Variants in MAP3K5 observed in about 807,000 individuals in gnomAD.
The protein encoded by MAP3K5 is mitogen-activated protein kinase kinase kinase 5.
In MAP3K5, 56 loss-of-function variants were observed where a neutral mutation model predicts 158.7. The ratio of observed to expected loss-of-function variants is 0.35; its 90% confidence interval spans 0.28 to 0.44. MAP3K5 has a LOEUF of 0.44. MAP3K5 is among the 20% of genes least tolerant of loss of function. The probability of loss-of-function intolerance (pLI) is 1.00; values close to 1 mark genes in which losing one functional copy is unlikely to be tolerated. For missense variants in MAP3K5, 1,294 were observed against 1,674.8 expected (o/e 0.77, Z 3.97); for synonymous variants, 579 against 601.7 (o/e 0.96, Z 0.55).
At chr6:136,652,480 G>A (rs953419882) in intron 10 of MAP3K5, among the ~76,000 whole-genome samples, 1 of 152,106 alleles carries the variant, frequency 6.6e-6, no homozygotes, top group Non-Finnish European at 1.5e-5. Flanking sequence ...AAGCGGTAAT[G>A]ATGAATAATG....
chr6:136,678,124 T>C (rs1340080038), intron 7 of MAP3K5, among the ~76,000 whole-genome samples: 1 of 152,230 alleles, frequency 6.6e-6, no homozygotes, highest in Non-Finnish European at 1.5e-5. Context: ...ACAATTTTTG[T>C]AGTTCTTTTT....
intron 2 of MAP3K5, among the ~76,000 whole-genome samples, chr6:136,705,632 A>C (rs1012082851): frequency 6.6e-6 from 1 of 152,170 alleles, no homozygotes; most frequent in Non-Finnish European, 1.5e-5. Flanking sequence ...TGCGGAGGAG[A>C]CAGGAGAATA....
At chr6:136,706,901 G>A (rs951027760) in intron 2 of MAP3K5, among the ~76,000 whole-genome samples, 9 of 152,202 alleles carry the variant, frequency 5.9e-5, no homozygotes, top group East Asian at 1.9e-4. Flanking sequence ...AAATCTCAGC[G>A]CTTTGGGAGG....
At chr6:136,760,649 C>T (rs1207461876) in intron 1 of MAP3K5, among the ~76,000 whole-genome samples, 1 of 152,140 alleles carries the variant, frequency 6.6e-6, no homozygotes, top group African/African-American at 2.4e-5. Flanking sequence ...GAGGGTGGAA[C>T]CCTCATGAAT....
Position 136,583,707 on chromosome 6 carries a change from T to A in MAP3K5, c.3259A>T (p.Ile1087Phe). 1 of 1,614,218 alleles carries A rather than the reference T, an allele frequency of 6.2e-7. No homozygotes were observed. Among genetic ancestry groups the A allele is most frequent in the Non-Finnish European group, 8.5e-7 (1 of 1,180,024 alleles). ...AEEPKLKWEH[I>F]TTLIASLREF... Reference sequence around the variant, plus strand: ...CTGAGGCTTGCAATGAGGGTTGTGATGTGTTCCCATTTTAGTTTCGGTTCT... The same window carrying A: ...CTGAGGCTTGCAATGAGGGTTGTGAAGTGTTCCCATTTTAGTTTCGGTTCT... Residue 1087 changes from isoleucine to phenylalanine, a missense_variant, in exon 24 of 30, where the codon ATC becomes TTC. By Grantham distance (21) the Ile-to-Phe change is conservative (BLOSUM62 0). This residue lies in a region of MAP3K5 where 362 missense variants were observed against 463.2 expected (regional missense o/e 0.78). Transcript: ENST00000359015.
intron 1 of MAP3K5, among the ~76,000 whole-genome samples, chr6:136,770,805 T>TGAAGCAA (rs1784166521): frequency 6.6e-6 from 1 of 152,128 alleles, no homozygotes; most frequent in South Asian, 2.1e-4. Context: ...GATATATGTA[T>TGAAGCAA]GAAGCAAGAA....
chr6:136,656,462 T>C lies in MAP3K5; in HGVS notation c.1527-2A>G. Reference sequence around the variant, plus strand: ...GTCTCTACAATAGACTTGAGGTACCTGAGAAGGAAAAGATATAAAACATGT... The same window carrying C: ...GTCTCTACAATAGACTTGAGGTACCCGAGAAGGAAAAGATATAAAACATGT... On this transcript the variant is annotated splice_acceptor_variant, in intron 9 of 29. Transcript: ENST00000359015. LOFTEE classifies it high-confidence loss of function. 1 of 1,554,362 alleles carries C rather than the reference T, an allele frequency of 6.4e-7. No individual in the cohort carries two copies. The highest frequency in any genetic ancestry group is 8.7e-7 in the Non-Finnish European group (1 of 1,149,962).
chr6:136,601,977 C>T lies in MAP3K5; in HGVS notation c.2682G>A (p.Val894=). Reference sequence around the variant, plus strand: ...TCTCAGGGTGGACTTTAAACATTCCCACCTAAGACATAAATATAAAAAGTG... The same window carrying T: ...TCTCAGGGTGGACTTTAAACATTCCTACCTAAGACATAAATATAAAAAGTG... ...LGEPQAAMFK[V]GMFKVHPEIP... is the part of the protein sequence containing the mutation. Residue 894 remains valine, a splice_region_variant and synonymous_variant, in exon 20 of 30, where the codon GTG becomes GTA. Coordinates refer to ENST00000359015, the MANE Select transcript of MAP3K5 (RefSeq NM_005923.4). 1 of 1,611,134 alleles carries T rather than the reference C, an allele frequency of 6.2e-7. No homozygotes were observed.
intron 1 of MAP3K5, among the ~76,000 whole-genome samples, chr6:136,763,221 T>C (rs989454930): frequency 6.6e-6 from 1 of 152,226 alleles, no homozygotes; most frequent in African/African-American, 2.4e-5. Context: ...CTCAAACTCC[T>C]GGTGTATCTT....
intron 1 of MAP3K5, among the ~76,000 whole-genome samples, chr6:136,725,554 G>C (rs78777515): frequency 0.033 from 5,083 of 152,188 alleles, 276 homozygotes; most frequent in African/African-American, 0.12. Context: ...TGTTGAGTTT[G>C]TTTTCTTATT....
chr6:136,572,183 T>A (rs1774398629), intron 25 of MAP3K5, among the ~76,000 whole-genome samples: 1 of 152,232 alleles, frequency 6.6e-6, no homozygotes, highest in Non-Finnish European at 1.5e-5. Flanking sequence ...AGTGTGATTC[T>A]AGATTAAATT....
At chr6:136,759,397 T>C (rs1397779437) in intron 1 of MAP3K5, among the ~76,000 whole-genome samples, 1 of 146,606 alleles carries the variant, frequency 6.8e-6, no homozygotes. Flanking sequence ...AAGAATAATA[T>C]GATCCTGAGA....
rs1830565201 is a variant in MAP3K5, at chr6:136,562,634, T to C, written c.3762-19A>G. On this transcript the variant is annotated intron_variant, in intron 26 of 29. Coordinates refer to ENST00000359015, the MANE Select transcript of MAP3K5 (RefSeq NM_005923.4). The stretch of plus-strand genomic sequence containing the variant: ...CAGTAATCTGCAGAAGAAAAATATA[T>C]TGTTTGACAGGAGGTGACACAGGGT... 4 of 1,355,636 alleles carry C rather than the reference T, an allele frequency of 3.0e-6. No individual in the cohort carries two copies. Among genetic ancestry groups the C allele is most frequent in the Admixed American group, 1.9e-5 (1 of 53,130 alleles). The allele number at this position is 1,355,636 out of a possible 1,614,324, so 84.0% of individuals were successfully genotyped here.
chr6:136,689,521 T>G (rs1780297179), intron 7 of MAP3K5, among the ~76,000 whole-genome samples: 1 of 152,146 alleles, frequency 6.6e-6, no homozygotes, highest in African/African-American at 2.4e-5. Context: ...ATTGGAAGCT[T>G]AATCCCCAAT....
intron 1 of MAP3K5, among the ~76,000 whole-genome samples, chr6:136,747,455 G>A (rs961535388): frequency 1.2e-4 from 18 of 152,136 alleles, no homozygotes; most frequent in African/African-American, 2.9e-4. Context: ...TTTCTGGGGC[G>A]AAACAAACTA....
intron 7 of MAP3K5, among the ~76,000 whole-genome samples, chr6:136,688,690 G>A (rs1057095024): frequency 4.6e-5 from 7 of 152,084 alleles, no homozygotes; most frequent in Non-Finnish European, 8.8e-5. Context: ...AACTTTATGC[G>A]ACCTTGAAAG....
intron 4 of MAP3K5, among the ~76,000 whole-genome samples, chr6:136,697,942 G>A (rs1401341303): frequency 1.3e-5 from 2 of 152,088 alleles, no homozygotes; most frequent in African/African-American, 2.4e-5. Flanking sequence ...ACAGGGTTTC[G>A]GCATGTTGGC....
chr6:136,695,921 G>A (rs775025364), intron 6 of MAP3K5, 30 bp downstream of exon 6: 39 of 1,305,780 alleles, frequency 3.0e-5, no homozygotes, highest in East Asian at 1.2e-4. Context: ...ATATGTTAAC[G>A]CATTCTGGAA....
At chr6:136,608,231 T>TC (rs1776183679) in intron 18 of MAP3K5, among the ~76,000 whole-genome samples, 1 of 150,842 alleles carries the variant, frequency 6.6e-6, no homozygotes, top group African/African-American at 2.4e-5. Flanking sequence ...CAGAGCCTTG[T>TC]CCCCCACTAT....
Sources: gnomAD v4.1 joint callset for allele counts (sites outside exome capture counted in the v4.1 genomes callset) on GRCh38, gnomAD v4.1.1 for gene constraint, gnomAD v4.1.1 regional missense constraint, MANE v1.5 for transcripts, NCBI Gene and HGNC (gene_info 2026-07-23, HGNC 2026-07-21) for gene names.